KLHL5: variants seen among roughly 807,000 people sequenced by gnomAD.
KLHL5 encodes the protein kelch like family member 5.
Under a neutral mutation model 77.7 loss-of-function variants are expected in KLHL5, and 48 were observed. That is an observed-to-expected ratio of 0.62 (90% CI 0.49 to 0.79). The LOEUF is 0.79. Ranked by LOEUF, KLHL5 falls within the 30% of genes least tolerant of loss-of-function variation. The pLI, the probability that KLHL5 is intolerant of heterozygous loss-of-function variation, is 0.00. For synonymous variants in KLHL5, 260 were observed against 297.0 expected, an observed-to-expected ratio of 0.88 and a Z score of 1.28; for missense variants, 723 against 859.7, an observed-to-expected ratio of 0.84 and a Z score of 1.99.
rs1373191263 is a variant in KLHL5, at chr4:39,113,020, A to G, written c.1689A>G (p.Lys563=). Residue 563 remains lysine (K), a splice_region_variant and synonymous_variant, in exon 9 of 11, where the codon AAA becomes AAG. Transcript: ENST00000504108. ...ATCATTTCATATATTCTTTTTGCAG[A>G]CTTTATGCAGTTGGTGGTCGTGATG... The part of the protein sequence containing the change: ...STVGVAVLSG[K]LYAVGGRDGS... The G allele has an allele frequency of 8.1e-6, 13 of 1,612,234 alleles. No homozygotes were observed. In the Admixed American group the frequency reaches 8.3e-5, roughly 10 times the overall value.
downstream of KLHL5, among the ~76,000 whole-genome samples, chr4:39,128,388 G>T (rs1250192664): frequency 6.6e-6 from 1 of 152,134 alleles, no homozygotes; most frequent in East Asian, 1.9e-4. Context: ...TAGGAGAGGG[G>T]TGGAAAGCCT....
At chr4:39,091,129 C>G (rs540619785) in intron 5 of KLHL5, among the ~76,000 whole-genome samples, 1 of 151,994 alleles carries the variant, frequency 6.6e-6, no homozygotes, top group African/African-American at 2.4e-5. Context: ...GCTGGGATTA[C>G]AGGCGCATGC....
intron 1 of KLHL5, among the ~76,000 whole-genome samples, chr4:39,075,335 C>A (rs889619824): frequency 1.6e-3 from 217 of 139,570 alleles, no homozygotes; most frequent in Middle Eastern, 3.6e-3. Context: ...CCGTCTCAAA[C>A]AAAAAAAAAA....
chr4:39,103,690 G>A (rs1721795356), intron 7 of KLHL5, among the ~76,000 whole-genome samples, 179 bp downstream of exon 7: 1 of 152,206 alleles, frequency 6.6e-6, no homozygotes. Flanking sequence ...GCCGGATGCA[G>A]TGGCTCATGC....
chr4:39,080,993 T>G, intron 2 of KLHL5, 110 bp from the exon 3 acceptor site: 1 of 1,072,910 alleles, frequency 9.3e-7, no homozygotes, highest in Non-Finnish European at 1.3e-6. Context: ...AAAATGCATT[T>G]CCTAGTACCA....
chr4:39,142,394 C>CA, the KLHL5 span, among the ~76,000 whole-genome samples: 1,325 of 94,904 alleles, frequency 0.014, 8 homozygotes, highest in African/African-American at 0.032. Context: ...AACTCTGTCT[C>CA]AAAAAAAAAA....
At chr4:39,107,436 T>C in intron 7 of KLHL5, 133 bp from the exon 8 acceptor site, 1 of 186,994 alleles carries the variant, frequency 5.3e-6, no homozygotes, top group Non-Finnish European at 9.4e-6. Flanking sequence ...AGGAGGACAC[T>C]TGTCTGCATC....
chr4:39,075,590 C>T (rs1027158515), intron 1 of KLHL5, among the ~76,000 whole-genome samples: 3 of 152,080 alleles, frequency 2.0e-5, no homozygotes, highest in African/African-American at 7.2e-5. Flanking sequence ...TGCCTTTCTG[C>T]CTTCAAAGAT....
In KLHL5 at chr4:39,071,519, C is replaced by T. The variant is rs142096632; in HGVS notation, c.384-4446C>T. Among the ~76,000 whole-genome samples, 468 of 152,288 alleles carry T rather than the reference C, an allele frequency of 3.1e-3. 2 individuals are homozygous for T. Among genetic ancestry groups the T allele is most frequent in the Non-Finnish European group, 4.3e-3 (291 of 68,010 alleles). On this transcript the variant is annotated intron_variant, in intron 1 of 10. Coordinates refer to ENST00000504108, the MANE Select transcript of KLHL5 (RefSeq NM_015990.5). ...GGCCATGGTGTGTATTGTGTGAGCA[C>T]ATGTACATGTAAGCACATTTAAAAT...
intron 7 of KLHL5, among the ~76,000 whole-genome samples, chr4:39,105,514 C>A (rs1234806482): frequency 6.6e-6 from 1 of 151,430 alleles, no homozygotes; most frequent in African/African-American, 2.4e-5. Context: ...TTTCTGCCCC[C>A]TTTGACATAT....
chr4:39,110,619 T>G (rs185385410), intron 8 of KLHL5, among the ~76,000 whole-genome samples: 2 of 152,140 alleles, frequency 1.3e-5, no homozygotes, highest in Non-Finnish European at 2.9e-5. Flanking sequence ...TACACCACCA[T>G]GCCTGGCTAA....
At chr4:39,094,187 A>G (rs1277314676) in intron 5 of KLHL5, among the ~76,000 whole-genome samples, 1 of 152,080 alleles carries the variant, frequency 6.6e-6, no homozygotes, top group African/African-American at 2.4e-5. Flanking sequence ...AGAGTTTAAT[A>G]AGGGAATTTG....
At chr4:39,128,691 A>G (rs1723664291), downstream of KLHL5, among the ~76,000 whole-genome samples, 1 of 152,180 alleles carries the variant, frequency 6.6e-6, no homozygotes, top group Non-Finnish European at 1.5e-5. Flanking sequence ...TGCTAGACGC[A>G]GTGGCTCACA....
chr4:39,142,139 G>A, the KLHL5 span, among the ~76,000 whole-genome samples: 17 of 152,078 alleles, frequency 1.1e-4, no homozygotes, highest in Non-Finnish European at 2.2e-4. Flanking sequence ...AAAATAAAAT[G>A]TCTGAGTTCC....
intron 7 of KLHL5, among the ~76,000 whole-genome samples, chr4:39,103,751 A>T (rs1721799492): frequency 6.6e-6 from 1 of 152,164 alleles, no homozygotes; most frequent in Non-Finnish European, 1.5e-5. Context: ...GCTTGAGCCT[A>T]GGAGTTCAAG....
intron 8 of KLHL5, among the ~76,000 whole-genome samples, chr4:39,109,196 T>G (rs1319026804): frequency 1.3e-5 from 2 of 152,236 alleles, no homozygotes; most frequent in Non-Finnish European, 2.9e-5. Flanking sequence ...TATCATTGCT[T>G]TGTGATTTAG....
chr4:39,045,057 G>A (rs1301696499), exon 1 of KLHL5: 10 of 992,298 alleles, frequency 1.0e-5, no homozygotes, highest in Non-Finnish European at 1.2e-5. Flanking sequence ...TGGCCGCCCC[G>A]GCCCGCCGTG....
intron 10 of KLHL5, among the ~76,000 whole-genome samples, 194 bp from the exon 11 acceptor site, chr4:39,120,816 T>G (rs985369874): frequency 1.3e-5 from 2 of 152,218 alleles, no homozygotes; most frequent in Non-Finnish European, 2.9e-5. Flanking sequence ...CCAAAACAAC[T>G]TAGTCTATGA....
At chr4:39,113,544 T>C (rs1722617069) in intron 9 of KLHL5, among the ~76,000 whole-genome samples, 1 of 152,108 alleles carries the variant, frequency 6.6e-6, no homozygotes, top group Admixed American at 6.6e-5. Context: ...GCAAAAAGGA[T>C]AGGGACATTT....
Sources: allele counts gnomAD v4.1 joint callset (sites outside exome capture counted in the v4.1 genomes callset), GRCh38; gene constraint gnomAD v4.1.1; transcripts MANE v1.5; gene names NCBI Gene and HGNC (gene_info 2026-07-23, HGNC 2026-07-21).